Variants in SPACA7 observed in about 807,000 individuals in gnomAD.
The protein encoded by SPACA7 is sperm acrosome associated 7.
In SPACA7, 19 loss-of-function variants were observed where a neutral mutation model predicts 26.3. The observed-to-expected ratio is 0.72, with a 90% confidence interval of 0.50 to 1.06. SPACA7 has a LOEUF of 1.06. SPACA7 is among the 50% of genes least tolerant of loss of function. SPACA7 has a pLI of 0.00. For synonymous variants in SPACA7, 84 were observed against 84.5 expected, an observed-to-expected ratio of 0.99 and a Z score of 0.04; for missense variants, 211 against 229.9, an observed-to-expected ratio of 0.92 and a Z score of 0.53.
chr13:112,420,761 C>T (rs2139043589), intron 5 of SPACA7, among the ~76,000 whole-genome samples: 1 of 152,172 alleles, frequency 6.6e-6, no homozygotes, highest in East Asian at 1.9e-4. Context: ...GAGACACACA[C>T]ACACTGTAGG....
At chr13:112,380,301 A>C (rs893721682) in intron 1 of SPACA7, among the ~76,000 whole-genome samples, 3 of 148,162 alleles carry the variant, frequency 2.0e-5, no homozygotes, top group Non-Finnish European at 4.5e-5. Flanking sequence ...GCTACTTGGG[A>C]GGCTGAGGCA....
At chr13:112,422,399 A>G (rs1876076820) in intron 5 of SPACA7, among the ~76,000 whole-genome samples, 1 of 152,234 alleles carries the variant, frequency 6.6e-6, no homozygotes, top group Non-Finnish European at 1.5e-5. Context: ...TAGACAGAAT[A>G]AGGACATAAA....
chr13:112,397,893 G>A (rs565060929), intron 2 of SPACA7, among the ~76,000 whole-genome samples, 156 bp from the exon 3 acceptor site: 12 of 151,566 alleles, frequency 7.9e-5, no homozygotes, highest in South Asian at 2.2e-4. Context: ...AGGTTCTTTC[G>A]AAAGTCAAGT....
chr13:112,392,027 T>C (rs984935787), intron 1 of SPACA7, among the ~76,000 whole-genome samples: 1 of 152,162 alleles, frequency 6.6e-6, no homozygotes, highest in Non-Finnish European at 1.5e-5. Flanking sequence ...TGGTTTAGTG[T>C]TGGAACTTCA....
chr13:112,383,133 GAAAGA>G (rs1491094330), intron 1 of SPACA7, among the ~76,000 whole-genome samples: 1 of 3,144 alleles, frequency 3.2e-4, no homozygotes, highest in Non-Finnish European at 1.2e-3. Flanking sequence ...AAGAAAGAAA[GAAAGA>G]AAGAAAGAAA....
intron 5 of SPACA7, among the ~76,000 whole-genome samples, chr13:112,421,966 G>C (rs1566486012): frequency 6.6e-6 from 1 of 152,160 alleles, no homozygotes; most frequent in Non-Finnish European, 1.5e-5. Context: ...CTTGAGAGTG[G>C]AGAATGGGAG....
intron 5 of SPACA7, among the ~76,000 whole-genome samples, chr13:112,404,574 T>G (rs552732014): frequency 3.9e-5 from 6 of 152,244 alleles, no homozygotes; most frequent in Non-Finnish European, 7.3e-5. Context: ...CCTTTATCCA[T>G]CTTGAGTTGA....
chr13:112,425,500 C>G (rs1265598996), intron 5 of SPACA7, among the ~76,000 whole-genome samples: 1 of 152,164 alleles, frequency 6.6e-6, no homozygotes, highest in Non-Finnish European at 1.5e-5. Context: ...AGCGCGAGGC[C>G]ACCCAGGATG....
rs1481507079 is a variant in SPACA7, at chr13:112,401,183, C to T, written c.445+19C>T. ...AGTAAAGGTAAATGTGCCCTGCCCA[C>T]ACTGAGAGCTCTGTGGGAGAGACGG... On this transcript the variant is annotated intron_variant, in intron 5 of 6. Transcript: ENST00000283550. 2.5e-6 allele frequency: 4 copies of T among 1,587,858 alleles called. No homozygotes were observed. The highest frequency in any genetic ancestry group is 3.5e-6 in the Non-Finnish European group (4 of 1,156,448).
chr13:112,378,541 A>AT (rs954145339), intron 1 of SPACA7: 5 of 361,956 alleles, frequency 1.4e-5, no homozygotes, highest in Non-Finnish European at 2.8e-5. Flanking sequence ...CTCAGATTAG[A>AT]TTTTTTAAAA....
chr13:112,430,914 A>G (rs1877061694), intron 5 of SPACA7, among the ~76,000 whole-genome samples: 1 of 152,266 alleles, frequency 6.6e-6, no homozygotes, highest in Non-Finnish European at 1.5e-5. Context: ...ATCTGCCAAA[A>G]TTTTCTAAGG....
At chr13:112,418,983 C>G (rs1886856192) in intron 5 of SPACA7, among the ~76,000 whole-genome samples, 1 of 151,566 alleles carries the variant, frequency 6.6e-6, no homozygotes, top group Admixed American at 6.6e-5. Context: ...AGATCATGCA[C>G]TGCACTCCAG....
chr13:112,424,120 C>T (rs963972226), intron 5 of SPACA7, among the ~76,000 whole-genome samples: 6 of 152,284 alleles, frequency 3.9e-5, no homozygotes, highest in Middle Eastern at 6.8e-3. Flanking sequence ...GGGGTGAATC[C>T]GAACAAGGAC....
At chr13:112,386,987 C>A (rs1448353399) in intron 1 of SPACA7, among the ~76,000 whole-genome samples, 1 of 152,094 alleles carries the variant, frequency 6.6e-6, no homozygotes, top group East Asian at 1.9e-4. Flanking sequence ...AGGGAAAAAA[C>A]CTCAATAAAT....
intron 1 of SPACA7, among the ~76,000 whole-genome samples, chr13:112,383,874 T>C (rs887250870): frequency 9.2e-5 from 14 of 152,278 alleles, no homozygotes; most frequent in African/African-American, 2.7e-4. Flanking sequence ...AACAGATTTT[T>C]ATTGCACTTA....
At chr13:112,403,839 G>A (rs1335234264) in intron 5 of SPACA7, among the ~76,000 whole-genome samples, 2 of 152,152 alleles carry the variant, frequency 1.3e-5, no homozygotes, top group African/African-American at 4.8e-5. Context: ...GGGCATTTGG[G>A]CTGATTCCAT....
chr13:112,386,673 A>C (rs549034895), intron 1 of SPACA7, among the ~76,000 whole-genome samples: 12 of 152,324 alleles, frequency 7.9e-5, no homozygotes, highest in Admixed American at 4.6e-4. Flanking sequence ...TTTTTCCAGA[A>C]AAACAAGATC....
rs571326014 is a variant in SPACA7 at position 112,393,251 on chromosome 13, T to A, written c.151+174T>A. On this transcript the variant is annotated intron_variant, in intron 2 of 6. Transcript: ENST00000283550. ...TAGCTTTACTGCTGACATCTAAGAGTCAAACTCTCAAGAAATTAAGGAAGA... is the reference window on the plus strand; with the variant it reads ...TAGCTTTACTGCTGACATCTAAGAGACAAACTCTCAAGAAATTAAGGAAGA... Among the ~76,000 whole-genome samples, 495 of 150,630 alleles carry A rather than the reference T, an allele frequency of 3.3e-3. 1 individual carries two copies. Among genetic ancestry groups the A allele is most frequent in the African/African-American group, 0.012 (488 of 40,880 alleles).
In SPACA7 at chr13:112,431,220, C is replaced by T. The variant is rs186649116; in HGVS notation, c.446-1224C>T. 2.2e-4 allele frequency among the ~76,000 whole-genome samples: 33 copies of T among 152,238 alleles called. No individual in the cohort carries two copies. In the East Asian group the frequency reaches 4.8e-3, roughly 22 times the overall value. On this transcript the variant is annotated intron_variant, in intron 5 of 6. Coordinates refer to ENST00000283550, the MANE Select transcript of SPACA7 (RefSeq NM_145248.5). ...AAGCATGAAGCAGCCTTTAAGGATGCCTGCAGGCTTTAATGAATGTTTGCA... is the reference window on the plus strand; with the variant it reads ...AAGCATGAAGCAGCCTTTAAGGATGTCTGCAGGCTTTAATGAATGTTTGCA...
Sources: gnomAD v4.1 joint callset for allele counts (sites outside exome capture counted in the v4.1 genomes callset) on GRCh38, gnomAD v4.1.1 for gene constraint, MANE v1.5 for transcripts, NCBI Gene and HGNC (gene_info 2026-07-23, HGNC 2026-07-21) for gene names.